The following COL11A1 variants were observed in gnomAD, a reference collection of about 807,000 sequenced individuals.
The protein encoded by COL11A1 is collagen type XI alpha 1 chain, also known as collagen alpha-1(XI) chain.
In COL11A1, 74 loss-of-function variants were observed where a neutral mutation model predicts 265.2. That is an observed-to-expected ratio of 0.28 (90% CI 0.23 to 0.34). The LOEUF (loss-of-function observed/expected upper bound fraction) is 0.34, where lower values mean the gene tolerates loss of function less well. Among genes scored for constraint, COL11A1 ranks in the 10% least tolerant of loss-of-function variants. The probability of loss-of-function intolerance (pLI) is 1.00; values close to 1 mark genes in which losing one functional copy is unlikely to be tolerated. For missense variants in COL11A1, 2,165 were observed against 2,263.6 expected, an observed-to-expected ratio of 0.96 and a Z score of 0.88; for synonymous variants, 816 against 727.6, an observed-to-expected ratio of 1.12 and a Z score of -1.96.
intron 12 of COL11A1, 88 bp downstream of exon 12, chr1:103,015,580 G>T (rs1237339632): frequency 4.0e-6 from 4 of 989,066 alleles, no homozygotes; most frequent in Non-Finnish European, 6.1e-6. Context: ...GTTTTTAGTT[G>T]ATTGCTCTTC....
intron 20 of COL11A1, among the ~76,000 whole-genome samples, chr1:103,003,712 C>T (rs970343839): frequency 3.9e-5 from 6 of 152,046 alleles, no homozygotes; most frequent in Admixed American, 6.6e-5. Flanking sequence ...GGAAAGAAAA[C>T]GATCATCTGT....
chr1:102,920,097 G>A lies in COL11A1; in HGVS notation c.3762+214C>T, dbSNP rs11801437. The stretch of plus-strand genomic sequence containing the variant: ...GAGGTTCCTGCTTAAAGAACATAAT[G>A]CCTGCACTCATTCAATATAATAATT... On this transcript the variant is annotated intron_variant, in intron 49 of 66. Coordinates refer to ENST00000370096, the MANE Select transcript of COL11A1 (RefSeq NM_001854.4). Among the ~76,000 whole-genome samples the A allele has an allele frequency of 0.68, 103,491 of 151,928 alleles. 39,149 individuals carry two copies. The highest frequency in any genetic ancestry group is 0.99 in the East Asian group (5,112 of 5,176).
chr1:103,010,087 T>C (rs1665973804), intron 14 of COL11A1, among the ~76,000 whole-genome samples: 1 of 152,104 alleles, frequency 6.6e-6, no homozygotes, highest in East Asian at 1.9e-4. Flanking sequence ...GACTATAAAA[T>C]AATAGGGAAA....
chr1:103,077,721 C>A (rs1337186), intron 3 of COL11A1, among the ~76,000 whole-genome samples: 91,129 of 151,846 alleles, frequency 0.6, 29,560 homozygotes, highest in East Asian at 0.91. Context: ...GCATTAATTT[C>A]TATTTAGCTG....
At chr1:102,902,188 G>A (rs1331610522) in intron 54 of COL11A1, among the ~76,000 whole-genome samples, 1 of 152,126 alleles carries the variant, frequency 6.6e-6, no homozygotes, top group Non-Finnish European at 1.5e-5. Flanking sequence ...CTATGGACCT[G>A]TTAAGAGTTC....
intron 4 of COL11A1, among the ~76,000 whole-genome samples, chr1:103,071,570 A>G (rs1571213150): frequency 1.4e-5 from 2 of 139,408 alleles, no homozygotes; most frequent in African/African-American, 5.3e-5. Context: ...ACCTCTGTCT[A>G]GAGGGGACAA....
chr1:102,986,569 A>G (rs962619465), intron 30 of COL11A1, among the ~76,000 whole-genome samples: 4 of 152,158 alleles, frequency 2.6e-5, no homozygotes, highest in Non-Finnish European at 5.9e-5. Context: ...TAAAGAAATT[A>G]TGGAATGTTT....
At position 102,914,759 on chromosome 1, in the gene COL11A1, G is replaced by A. The variant is rs199555214; in HGVS notation, c.3869C>T (p.Ala1290Val). 1 of 1,612,932 alleles carries A rather than the reference G, an allele frequency of 6.2e-7. No individual in the cohort carries two copies. Among genetic ancestry groups the A allele is most frequent in the African/African-American group, 1.3e-5 (1 of 74,738 alleles). ...TGGCCCCTTGGCACCTGGAGGTCCA[G>A]CAGCTCCAGGTGGACCAGCTTCCCC... is the stretch of plus-strand genomic sequence containing the variant. ...EKGEAGPPGA[A>V]GPPGAKGPPG... The change falls in exon 51 of 67, where the codon GCT becomes GTT. Residue 1290 changes from alanine (A) to valine (V), a missense_variant. Ala to Val is a moderately conservative substitution (Grantham distance 64). Transcript: ENST00000370096.
At chr1:102,978,949 G>C in intron 33 of COL11A1, 36 bp from the exon 34 acceptor site, 1 of 1,613,168 alleles carries the variant, frequency 6.2e-7, no homozygotes, top group Non-Finnish European at 8.5e-7. Context: ...CCAAACTAAT[G>C]CCAGACAAAT....
At chr1:103,036,875 T>C (rs1668411865) in intron 4 of COL11A1, among the ~76,000 whole-genome samples, 1 of 152,092 alleles carries the variant, frequency 6.6e-6, no homozygotes, top group Non-Finnish European at 1.5e-5. Flanking sequence ...GATCTCCAGC[T>C]GTGTCAACTG....
intron 36 of COL11A1, among the ~76,000 whole-genome samples, chr1:102,970,907 G>A (rs1305413465): frequency 6.6e-6 from 1 of 152,030 alleles, no homozygotes; most frequent in Non-Finnish European, 1.5e-5. Context: ...GCAGCTACTC[G>A]GGAGGCTGAG....
chr1:103,078,466 T>C (rs1441948219), intron 3 of COL11A1, among the ~76,000 whole-genome samples, 192 bp downstream of exon 3: 4 of 152,280 alleles, frequency 2.6e-5, no homozygotes, highest in Middle Eastern at 3.4e-3. Context: ...TACTTATTAG[T>C]AATTTATTTT....
chr1:102,978,807 G>T (rs970248504), intron 34 of COL11A1, 53 bp downstream of exon 34: 6 of 1,613,736 alleles, frequency 3.7e-6, no homozygotes, highest in African/African-American at 2.7e-5. Flanking sequence ...CATAGCATCT[G>T]CCTGGAAAAA....
chr1:103,083,454 C>T (rs1425686567), intron 1 of COL11A1, among the ~76,000 whole-genome samples: 2 of 151,726 alleles, frequency 1.3e-5, no homozygotes, highest in Non-Finnish European at 2.9e-5. Flanking sequence ...TACTAATAAA[C>T]TATTCATAAT....
Position 102,912,159 on chromosome 1 carries a change from T to C in COL11A1, c.4086A>G (p.Arg1362=). The change falls in exon 54 of 67, where the codon CGA becomes CGG. Residue 1362 remains arginine, a splice_region_variant and synonymous_variant. Coordinates refer to ENST00000370096, the MANE Select transcript of COL11A1 (RefSeq NM_001854.4). ...EAGPPGPPGK[R]GPPGAAGAEG... ...CAAATAAAGAATTAAAGAAACTTACTCGTTTTCCAGGAGGACCTGGTGGGC... is the reference window on the plus strand; with the variant it reads ...CAAATAAAGAATTAAAGAAACTTACCCGTTTTCCAGGAGGACCTGGTGGGC... 2 of 1,609,500 alleles carry C rather than the reference T, an allele frequency of 1.2e-6. No individual in the cohort carries two copies. Among genetic ancestry groups the C allele is most frequent in the Non-Finnish European group, 1.7e-6 (2 of 1,177,714 alleles).
chr1:103,078,846 T>A lies in COL11A1; in HGVS notation c.300A>T (p.Ser100=), dbSNP rs1672182704. The A allele has an allele frequency of 6.2e-7, 1 of 1,610,560 alleles. No individual in the cohort carries two copies. Among genetic ancestry groups the A allele is most frequent in the African/African-American group, 1.3e-5 (1 of 74,806 alleles). ...TTTTTGGTTTTACTGTAAATAGTAT[T>A]GAAAAGTCTTCTGGGAAAGTTCCAC... ...FPGGTFPEDF[S]ILFTVKPKKG... Residue 100 remains serine, a synonymous_variant, in exon 3 of 67, where the codon TCA becomes TCT. Coordinates refer to ENST00000370096, the MANE Select transcript of COL11A1 (RefSeq NM_001854.4).
At chr1:102,912,579 T>C (rs907145254) in intron 53 of COL11A1, among the ~76,000 whole-genome samples, 4 of 152,204 alleles carry the variant, frequency 2.6e-5, no homozygotes, top group Non-Finnish European at 5.9e-5. Flanking sequence ...AACATAATAC[T>C]ATTACTTTTA....
chr1:103,081,028 A>G (rs1393210620), intron 2 of COL11A1, among the ~76,000 whole-genome samples: 1 of 151,786 alleles, frequency 6.6e-6, no homozygotes, highest in Non-Finnish European at 1.5e-5. Flanking sequence ...ATAAAATCCT[A>G]CTTGCCCTTC....
At chr1:103,011,044 T>G (rs987176185) in intron 14 of COL11A1, among the ~76,000 whole-genome samples, 1 of 152,100 alleles carries the variant, frequency 6.6e-6, no homozygotes, top group African/African-American at 2.4e-5. Flanking sequence ...TTCTCAAATA[T>G]CTTTGGCCAT....
Sources: allele counts gnomAD v4.1 joint callset (sites outside exome capture counted in the v4.1 genomes callset), GRCh38; gene constraint gnomAD v4.1.1; transcripts MANE v1.5; gene names NCBI Gene and HGNC (gene_info 2026-07-23, HGNC 2026-07-21).